The following LRRC10B variants were observed in gnomAD, a reference collection of about 807,000 sequenced individuals.
LRRC10B encodes leucine-rich repeat-containing protein 10B.
For synonymous variants in LRRC10B, 204 were observed against 221.5 expected (o/e 0.92, Z 0.70); for missense variants, 389 against 436.5 (o/e 0.89, Z 0.97).
chr11:61,509,191 G>A lies in LRRC10B; in HGVS notation c.193G>A (p.Glu65Lys), dbSNP rs1177676617. The A allele has an allele frequency of 6.5e-7, 1 of 1,531,228 alleles. No homozygotes were observed. The highest frequency in any genetic ancestry group is 8.7e-7 in the Non-Finnish European group (1 of 1,144,664). The allele number at this position is 1,531,228 out of a possible 1,614,324, so 94.9% of individuals were successfully genotyped here. A position where few individuals can be genotyped will look rare whatever the true frequency, so the allele number is the denominator to read the frequency against. The change falls in exon 1 of 1, where the codon GAG (glutamate) becomes AAG (lysine). Residue 65 changes from glutamate to lysine, a missense_variant. Physicochemically the swap from Glu to Lys is moderately conservative, Grantham distance 56. Coordinates refer to ENST00000378075, the MANE Select transcript of LRRC10B (RefSeq NM_001145077.2). ...GCGCGAGCTGCCGGAGGAGATCGAG[G>A]AGCTGCGCGAGCTGCGCATCCTGGC... ...GLRELPEEIE[E>K]LRELRILALD...
At position 61,509,230 on chromosome 11, in the gene LRRC10B, A is replaced by G. The variant is rs2062072503; in HGVS notation, c.232A>G (p.Lys78Glu). The change falls in exon 1 of 1, where the codon AAG (lysine) becomes GAG (glutamate). Residue 78 changes from lysine (K) to glutamate (E), a missense_variant. Coordinates refer to ENST00000378075, the MANE Select transcript of LRRC10B (RefSeq NM_001145077.2). ...ELRILALDFN[K>E]LERLPDGLCR... ...GCGCATCCTGGCGCTGGACTTCAAC[A>G]AGCTCGAGCGACTGCCTGACGGCCT... The G allele has an allele frequency of 6.5e-6, 10 of 1,530,592 alleles. No individual in the cohort carries two copies. The highest frequency in any genetic ancestry group is 8.7e-6 in the Non-Finnish European group (10 of 1,144,424). The allele number at this position is 1,530,592 out of a possible 1,614,324, so 94.8% of individuals were successfully genotyped here.
chr11:61,509,261 G>T lies in LRRC10B; in HGVS notation c.263G>T (p.Arg88Leu). 1 of 1,519,332 alleles carries T rather than the reference G, an allele frequency of 6.6e-7. No homozygotes were observed. 94.1% of individuals were successfully genotyped at this position (1,519,332 alleles called of 1,614,324 possible). A position where few individuals can be genotyped will look rare whatever the true frequency, so the allele number is the denominator to read the frequency against. ...KLERLPDGLC[R>L]LPRLTRLYLG... is the part of the protein sequence containing the mutation. ...GAGCGACTGCCTGACGGCCTGTGCC[G>T]CCTGCCGCGCCTCACGCGCCTCTAT... Residue 88 changes from arginine to leucine, a missense_variant, in exon 1 of 1, where the codon CGC (arginine) becomes CTC (leucine). Physicochemically the swap from Arg to Leu is moderately radical, Grantham distance 102. Coordinates refer to ENST00000378075, the MANE Select transcript of LRRC10B (RefSeq NM_001145077.2).
At position 61,509,502 on chromosome 11, in the gene LRRC10B, C is replaced by A; in HGVS notation, c.504C>A (p.Gly168=). The A allele has an allele frequency of 6.6e-7, 1 of 1,509,684 alleles. No individual in the cohort carries two copies. Among genetic ancestry groups the A allele is most frequent in the Non-Finnish European group, 8.8e-7 (1 of 1,137,338 alleles). The allele number at this position is 1,509,684 out of a possible 1,614,324, so 93.5% of individuals were successfully genotyped here. A position where few individuals can be genotyped will look rare whatever the true frequency, so the allele number is the denominator to read the frequency against. ...MTGLRGLWLY[G]NRFEEFPPAL... Reference sequence around the variant, plus strand: ...GCTTGCGCGGCCTCTGGCTCTACGGCAACCGCTTCGAGGAGTTCCCGCCCG... The same window carrying A: ...GCTTGCGCGGCCTCTGGCTCTACGGAAACCGCTTCGAGGAGTTCCCGCCCG... The change falls in exon 1 of 1, where the codon GGC becomes GGA. Residue 168 remains glycine, a synonymous_variant. Coordinates refer to ENST00000378075, the MANE Select transcript of LRRC10B (RefSeq NM_001145077.2).
At position 61,508,941 on chromosome 11, in the gene LRRC10B, G is replaced by C. The variant is rs1410435436; in HGVS notation, c.-58G>C. The stretch of plus-strand genomic sequence containing the variant: ...CCGTCGGGGCGGCTGGGGGGCGGCC[G>C]GGGCGGGGCGATGCCTGGCGGTGGC... On this transcript the variant is annotated 5_prime_UTR_variant, in exon 1 of 1. Coordinates refer to ENST00000378075, the MANE Select transcript of LRRC10B (RefSeq NM_001145077.2). 1.7e-6 allele frequency: 2 copies of C among 1,202,910 alleles called. No homozygotes were observed. Among genetic ancestry groups the C allele is most frequent in the Non-Finnish European group, 2.1e-6 (2 of 968,846 alleles). 74.5% of individuals were successfully genotyped at this position (1,202,910 alleles called of 1,614,324 possible). A position where few individuals can be genotyped will look rare whatever the true frequency, so the allele number is the denominator to read the frequency against.
In LRRC10B at chr11:61,510,302, GA is replaced by G. The variant is rs2134965088; in HGVS notation, c.*426del. 1 of 181,236 alleles carries G rather than the reference GA, an allele frequency of 5.5e-6. No homozygotes were observed. Among genetic ancestry groups the G allele is most frequent in the Non-Finnish European group, 1.3e-5 (1 of 78,396 alleles). 11.2% of individuals were successfully genotyped at this position (181,236 alleles called of 1,614,324 possible). A position where few individuals can be genotyped will look rare whatever the true frequency, so the allele number is the denominator to read the frequency against. ...CTAGGACAGGAGCCGCTACCTCTGGGATGGACTGCGTGCCTGTGTGGGGCAG... is the reference window on the plus strand; with the variant it reads ...CTAGGACAGGAGCCGCTACCTCTGGGTGGACTGCGTGCCTGTGTGGGGCAG... On this transcript the variant is annotated 3_prime_UTR_variant, in exon 1 of 1. Transcript: ENST00000378075.
chr11:61,509,500 G>C lies in LRRC10B; in HGVS notation c.502G>C (p.Gly168Arg), dbSNP rs1252444300. The C allele has an allele frequency of 3.3e-6, 5 of 1,509,546 alleles. No homozygotes were observed. In the South Asian group the frequency reaches 3.7e-5, roughly 11 times the overall value. The allele number at this position is 1,509,546 out of a possible 1,614,324, so 93.5% of individuals were successfully genotyped here. ...GGGCTTGCGCGGCCTCTGGCTCTAC[G>C]GCAACCGCTTCGAGGAGTTCCCGCC... is the stretch of plus-strand genomic sequence containing the variant. Reference protein sequence around the residue: ...MTGLRGLWLYGNRFEEFPPAL... With the variant: ...MTGLRGLWLYRNRFEEFPPAL... Residue 168 changes from glycine (G) to arginine (R), a missense_variant, in exon 1 of 1, where the codon GGC becomes CGC. Coordinates refer to ENST00000378075, the MANE Select transcript of LRRC10B (RefSeq NM_001145077.2).
Position 61,509,832 on chromosome 11 carries a change from G to C in LRRC10B, c.834G>C (p.Gly278=). The change falls in exon 1 of 1, where the codon GGG becomes GGC. Residue 278 remains glycine, a synonymous_variant. Coordinates refer to ENST00000378075, the MANE Select transcript of LRRC10B (RefSeq NM_001145077.2). The part of the protein sequence containing the change: ...GAGSRALGAP[G]GSFRALEAAP... The stretch of plus-strand genomic sequence containing the variant: ...GTTCCCGGGCTCTGGGCGCCCCCGG[G>C]GGCAGCTTCCGCGCCCTGGAAGCCG... 6.5e-7 allele frequency: 1 copy of C among 1,532,522 alleles called. No homozygotes were observed. The highest frequency in any genetic ancestry group is 8.8e-7 in the Non-Finnish European group (1 of 1,142,526). The allele number at this position is 1,532,522 out of a possible 1,614,324, so 94.9% of individuals were successfully genotyped here.
chr11:61,509,335 C>G lies in LRRC10B; in HGVS notation c.337C>G (p.Gln113Glu). ...GCTGCCCGCCGACTTCGCGCAGTTG[C>G]AGAGCCTGCGCTGCCTCTGGATCGA... is the stretch of plus-strand genomic sequence containing the variant. ...LALPADFAQL[Q>E]SLRCLWIEGN... The change falls in exon 1 of 1, where the codon CAG (glutamine) becomes GAG (glutamate). Residue 113 changes from glutamine to glutamate, a missense_variant. Coordinates refer to ENST00000378075, the MANE Select transcript of LRRC10B (RefSeq NM_001145077.2). 6.7e-7 allele frequency: 1 copy of G among 1,498,380 alleles called. No homozygotes were observed. Among genetic ancestry groups the G allele is most frequent in the Non-Finnish European group, 8.8e-7 (1 of 1,130,812 alleles). The allele number at this position is 1,498,380 out of a possible 1,614,324, so 92.8% of individuals were successfully genotyped here. A position where few individuals can be genotyped will look rare whatever the true frequency, so the allele number is the denominator to read the frequency against.
In LRRC10B at chr11:61,509,991, A is replaced by G. The variant is rs2062077941; in HGVS notation, c.*114A>G. On this transcript the variant is annotated 3_prime_UTR_variant, in exon 1 of 1. Coordinates refer to ENST00000378075, the MANE Select transcript of LRRC10B (RefSeq NM_001145077.2). ...CCCTACTTAGGTCAATGGAACGGCT[A>G]CTTTTGGCGAGTTGCCGGGCACAGG... is the stretch of plus-strand genomic sequence containing the variant. 8.6e-7 allele frequency: 1 copy of G among 1,158,116 alleles called. No individual in the cohort carries two copies. Among genetic ancestry groups the G allele is most frequent in the Non-Finnish European group, 1.2e-6 (1 of 857,272 alleles). The allele number at this position is 1,158,116 out of a possible 1,614,324, so 71.7% of individuals were successfully genotyped here. A position where few individuals can be genotyped will look rare whatever the true frequency, so the allele number is the denominator to read the frequency against.
chr11:61,508,947 G>A lies in LRRC10B; in HGVS notation c.-52G>A. The stretch of plus-strand genomic sequence containing the variant: ...GGGCGGCTGGGGGGCGGCCGGGGCG[G>A]GGCGATGCCTGGCGGTGGCAGTGGC... On this transcript the variant is annotated 5_prime_UTR_variant, in exon 1 of 1. Coordinates refer to ENST00000378075, the MANE Select transcript of LRRC10B (RefSeq NM_001145077.2). 2 of 1,251,132 alleles carry A rather than the reference G, an allele frequency of 1.6e-6. No homozygotes were observed. The highest frequency in any genetic ancestry group is 2.0e-6 in the Non-Finnish European group (2 of 997,344). 77.5% of individuals were successfully genotyped at this position (1,251,132 alleles called of 1,614,324 possible).
rs2134964842 is a variant in LRRC10B, at chr11:61,509,917, G to A, written c.*40G>A. The A allele has an allele frequency of 6.9e-7, 1 of 1,450,766 alleles. No individual in the cohort carries two copies. Among genetic ancestry groups the A allele is most frequent in the Non-Finnish European group, 9.1e-7 (1 of 1,104,928 alleles). 89.9% of individuals were successfully genotyped at this position (1,450,766 alleles called of 1,614,324 possible). A position where few individuals can be genotyped will look rare whatever the true frequency, so the allele number is the denominator to read the frequency against. On this transcript the variant is annotated 3_prime_UTR_variant, in exon 1 of 1. Coordinates refer to ENST00000378075, the MANE Select transcript of LRRC10B (RefSeq NM_001145077.2). The stretch of plus-strand genomic sequence containing the variant: ...TGATGGGCTTCAGCCACTCTGAGAG[G>A]AGGGGCTCTAGGAAGCTTTGGCTGG...
Position 61,510,008 on chromosome 11 carries a change from G to A in LRRC10B, c.*131G>A. ...GAACGGCTACTTTTGGCGAGTTGCC[G>A]GGCACAGGCAGGGCTGGGGCTCATC... On this transcript the variant is annotated 3_prime_UTR_variant, in exon 1 of 1. Coordinates refer to ENST00000378075, the MANE Select transcript of LRRC10B (RefSeq NM_001145077.2). The A allele has an allele frequency of 2.1e-6, 2 of 956,256 alleles. No homozygotes were observed. Among genetic ancestry groups the A allele is most frequent in the Non-Finnish European group, 3.0e-6 (2 of 672,508 alleles). 59.2% of individuals were successfully genotyped at this position (956,256 alleles called of 1,614,324 possible). A position where few individuals can be genotyped will look rare whatever the true frequency, so the allele number is the denominator to read the frequency against.
At position 61,508,789 on chromosome 11, in the gene LRRC10B, G is replaced by C. The variant is rs576799399; in HGVS notation, c.-210G>C. 275 of 171,944 alleles carry C rather than the reference G, an allele frequency of 1.6e-3. No homozygotes were observed. The highest frequency in any genetic ancestry group is 6.3e-3 in the African/African-American group (264 of 41,838). The allele number at this position is 171,944 out of a possible 1,614,324, so 10.7% of individuals were successfully genotyped here. A position where few individuals can be genotyped will look rare whatever the true frequency, so the allele number is the denominator to read the frequency against. Reference sequence around the variant, plus strand: ...GAGGCAACGGGGGAGGCCCGAGGGCGGGCGGTGGAGCGCGGCGCGCGGCGG... The same window carrying C: ...GAGGCAACGGGGGAGGCCCGAGGGCCGGCGGTGGAGCGCGGCGCGCGGCGG... On this transcript the variant is annotated 5_prime_UTR_variant, in exon 1 of 1. Coordinates refer to ENST00000378075, the MANE Select transcript of LRRC10B (RefSeq NM_001145077.2).
In LRRC10B at chr11:61,509,181, G is replaced by A. The variant is rs986461974; in HGVS notation, c.183G>A (p.Glu61=). The A allele has an allele frequency of 2.0e-6, 3 of 1,530,738 alleles. No individual in the cohort carries two copies. The highest frequency in any genetic ancestry group is 2.6e-6 in the Non-Finnish European group (3 of 1,144,516). The allele number at this position is 1,530,738 out of a possible 1,614,324, so 94.8% of individuals were successfully genotyped here. A position where few individuals can be genotyped will look rare whatever the true frequency, so the allele number is the denominator to read the frequency against. The part of the protein sequence containing the change: ...VSGTGLRELP[E]EIEELRELRI... Reference sequence around the variant, plus strand: ...GCACGGGGCTGCGCGAGCTGCCGGAGGAGATCGAGGAGCTGCGCGAGCTGC... The same window carrying A: ...GCACGGGGCTGCGCGAGCTGCCGGAAGAGATCGAGGAGCTGCGCGAGCTGC... The change falls in exon 1 of 1, where the codon GAG becomes GAA. Residue 61 remains glutamate, a synonymous_variant. Coordinates refer to ENST00000378075, the MANE Select transcript of LRRC10B (RefSeq NM_001145077.2).
rs1310569391 is a variant in LRRC10B, at chr11:61,509,831, G to A, written c.833G>A (p.Gly278Glu). ...GAGSRALGAP[G>E]GSFRALEAAP... ...GGTTCCCGGGCTCTGGGCGCCCCCGGGGGCAGCTTCCGCGCCCTGGAAGCC... is the reference window on the plus strand; with the variant it reads ...GGTTCCCGGGCTCTGGGCGCCCCCGAGGGCAGCTTCCGCGCCCTGGAAGCC... The change falls in exon 1 of 1, where the codon GGG (glycine) becomes GAG (glutamate). Residue 278 changes from glycine to glutamate, a missense_variant. Physicochemically the swap from Gly to Glu is moderately conservative, Grantham distance 98 (BLOSUM62 -2). Transcript: ENST00000378075. 3.3e-6 allele frequency: 5 copies of A among 1,532,620 alleles called. No individual in the cohort carries two copies. The East Asian group carries it at 7.6e-5, about 23-fold the overall frequency. The allele number at this position is 1,532,620 out of a possible 1,614,324, so 94.9% of individuals were successfully genotyped here.
chr11:61,509,499 C>T lies in LRRC10B; in HGVS notation c.501C>T (p.Tyr167=). 1 of 1,509,200 alleles carries T rather than the reference C, an allele frequency of 6.6e-7. No homozygotes were observed. Among genetic ancestry groups the T allele is most frequent in the Non-Finnish European group, 8.8e-7 (1 of 1,137,192 alleles). 93.5% of individuals were successfully genotyped at this position (1,509,200 alleles called of 1,614,324 possible). A position where few individuals can be genotyped will look rare whatever the true frequency, so the allele number is the denominator to read the frequency against. The change falls in exon 1 of 1, where the codon TAC becomes TAT. Residue 167 remains tyrosine (Y), a synonymous_variant. Transcript: ENST00000378075. ...CGGGCTTGCGCGGCCTCTGGCTCTA[C>T]GGCAACCGCTTCGAGGAGTTCCCGC... ...RMTGLRGLWL[Y]GNRFEEFPPA...
In LRRC10B at chr11:61,509,054, T is replaced by C; in HGVS notation, c.56T>C (p.Leu19Pro). ...DELPSDAEEQLRSGDQQLELS... is the reference protein window; with the variant it reads ...DELPSDAEEQPRSGDQQLELS... ...CTGCCGTCGGACGCAGAGGAGCAGC[T>C]GCGCAGCGGCGACCAGCAGCTGGAG... The change falls in exon 1 of 1, where the codon CTG (leucine) becomes CCG (proline). Residue 19 changes from leucine (L) to proline (P), a missense_variant. Coordinates refer to ENST00000378075, the MANE Select transcript of LRRC10B (RefSeq NM_001145077.2). 1 of 1,493,474 alleles carries C rather than the reference T, an allele frequency of 6.7e-7. No individual in the cohort carries two copies. Among genetic ancestry groups the C allele is most frequent in the Non-Finnish European group, 8.8e-7 (1 of 1,130,682 alleles). 92.5% of individuals were successfully genotyped at this position (1,493,474 alleles called of 1,614,324 possible).
Position 61,509,561 on chromosome 11 carries a change from A to T in LRRC10B, c.563A>T (p.Asp188Val). 1 of 1,518,684 alleles carries T rather than the reference A, an allele frequency of 6.6e-7. No individual in the cohort carries two copies. Among genetic ancestry groups the T allele is most frequent in the Non-Finnish European group, 8.8e-7 (1 of 1,140,402 alleles). 94.1% of individuals were successfully genotyped at this position (1,518,684 alleles called of 1,614,324 possible). ...LLRMGRLHIL[D>V]LDRNRLGGFP... is the part of the protein sequence containing the mutation. ...CGCATGGGCCGCCTGCACATCCTCG[A>T]CCTCGACCGCAACCGCCTGGGCGGC... Residue 188 changes from aspartate (D) to valine (V), a missense_variant, in exon 1 of 1, where the codon GAC becomes GTC. Asp to Val is a radical substitution (Grantham distance 152). Transcript: ENST00000378075.
Position 61,509,910 on chromosome 11 carries a change from CTG to C in LRRC10B, c.*34_*35del, listed in dbSNP as rs1491257921. 7.5e-6 allele frequency: 11 copies of C among 1,457,550 alleles called. No homozygotes were observed. Among genetic ancestry groups the C allele is most frequent in the Non-Finnish European group, 9.9e-6 (11 of 1,108,246 alleles). 90.3% of individuals were successfully genotyped at this position (1,457,550 alleles called of 1,614,324 possible). A position where few individuals can be genotyped will look rare whatever the true frequency, so the allele number is the denominator to read the frequency against. On this transcript the variant is annotated 3_prime_UTR_variant, in exon 1 of 1. Transcript: ENST00000378075. ...TTCTGGCTGATGGGCTTCAGCCACT[CTG>C]AGAGGAGGGGCTCTAGGAAGCTTTG...
Sources: allele counts gnomAD v4.1 joint callset, GRCh38; gene constraint gnomAD v4.1.1; transcripts MANE v1.5; gene names NCBI Gene and HGNC (gene_info 2026-07-23, HGNC 2026-07-21).